The following ZFHX3 variants were observed in gnomAD, a reference collection of about 807,000 sequenced individuals.
ZFHX3 encodes the protein zinc finger homeobox 3, also known as zinc finger homeobox protein 3.
In ZFHX3, 42 loss-of-function variants were observed where a neutral mutation model predicts 279.1. The observed-to-expected ratio is 0.15, with a 90% CI of 0.12 to 0.19. ZFHX3 has a LOEUF of 0.19. ZFHX3 is among the 10% of genes least tolerant of loss of function. The pLI is 1.00. For synonymous variants in ZFHX3, 2,293 were observed against 1,957.8 expected, an observed-to-expected ratio of 1.17 and a Z score of -4.52; for missense variants, 4,981 against 4,754.0, an observed-to-expected ratio of 1.05 and a Z score of -1.40.
At chr16:73,389,595 G>T (rs1334052821) in intron 3 of ZFHX3, among the ~76,000 whole-genome samples, 1 of 152,188 alleles carries the variant, frequency 6.6e-6, no homozygotes, top group Non-Finnish European at 1.5e-5. Context: ...CTCTCTTGAT[G>T]GTTCCAGTAA....
At chr16:73,360,814 A>G (rs1033316978) in intron 3 of ZFHX3, among the ~76,000 whole-genome samples, 1 of 152,174 alleles carries the variant, frequency 6.6e-6, no homozygotes, top group Middle Eastern at 3.2e-3. Flanking sequence ...TGTCTCTTAC[A>G]TTAAGTCTTT....
chr16:73,271,313 C>A (rs577788719), intron 4 of ZFHX3, among the ~76,000 whole-genome samples: 3 of 152,312 alleles, frequency 2.0e-5, no homozygotes, highest in South Asian at 2.1e-4. Context: ...TGTTTTGAGA[C>A]CCTCCGATTT....
intron 4 of ZFHX3, among the ~76,000 whole-genome samples, chr16:72,864,466 C>T (rs536887391): frequency 2.4e-4 from 36 of 152,050 alleles, no homozygotes; most frequent in Non-Finnish European, 4.4e-4. Flanking sequence ...CTTGAGGGGG[C>T]GTTCATCCCC....
chr16:72,798,686 G>A lies in ZFHX3; in HGVS notation c.3996C>T (p.Ile1332=). 3 of 1,564,842 alleles carry A rather than the reference G, an allele frequency of 1.9e-6. No individual in the cohort carries two copies. Among genetic ancestry groups the A allele is most frequent in the Non-Finnish European group, 1.7e-6 (2 of 1,157,490 alleles). ...TTTGCTCTGTGCTTGCGGATGGCAA[G>A]ATGTTCTTTCCCAGATCCTCTGAGG... ...PETSEDLGKN[I]LPSASTEQSG... Residue 1332 remains isoleucine, a synonymous_variant, in exon 9 of 10, where the codon ATC becomes ATT. Coordinates refer to ENST00000268489, the MANE Select transcript of ZFHX3 (RefSeq NM_006885.4).
chr16:72,958,895 T>C lies in ZFHX3; in HGVS notation c.1251A>G (p.Ser417=). 2.5e-6 allele frequency: 4 copies of C among 1,609,430 alleles called. No homozygotes were observed. The highest frequency in any genetic ancestry group is 1.3e-5 in the African/African-American group (1 of 74,940). ...TGGAAGCCAGAGGCCCCAGGGGGAC[T>C]GAGGTAATGGGGGTCTTCAGTACCG... ...TSSVLKTPIT[S]VPLGPLASSP... Residue 417 remains serine, a synonymous_variant, in exon 2 of 10, where the codon TCA becomes TCG. Transcript: ENST00000268489.
intron 2 of ZFHX3, among the ~76,000 whole-genome samples, chr16:73,547,324 C>A (rs1374372848): frequency 1.3e-5 from 2 of 152,106 alleles, no homozygotes; most frequent in Admixed American, 6.5e-5. Flanking sequence ...AAGAAAAAAA[C>A]CTGTACTATC....
chr16:73,856,878 T>G (rs963202562), intron 1 of ZFHX3, among the ~76,000 whole-genome samples: 2 of 152,230 alleles, frequency 1.3e-5, no homozygotes, highest in Admixed American at 6.5e-5. Flanking sequence ...GAAAAAATGT[T>G]TCCATGCCCC....
intron 7 of ZFHX3, among the ~76,000 whole-genome samples, chr16:73,113,211 G>A (rs1966398142): frequency 6.6e-6 from 1 of 152,056 alleles, no homozygotes; most frequent in Non-Finnish European, 1.5e-5. Flanking sequence ...AGTGGGAGAT[G>A]GAACCAGGCG....
intron 8 of ZFHX3, among the ~76,000 whole-genome samples, chr16:73,089,466 G>GA (rs1474762110): frequency 6.6e-6 from 1 of 152,146 alleles, no homozygotes. Context: ...TTTTACCGAG[G>GA]AAAAATCAAA....
chr16:73,106,102 T>G (rs1306466348), intron 7 of ZFHX3, among the ~76,000 whole-genome samples: 3 of 152,130 alleles, frequency 2.0e-5, no homozygotes, highest in African/African-American at 7.2e-5. Context: ...GGGGCTTCTC[T>G]TGGTTCCCTG....
At chr16:72,799,461 T>C (rs1290664238) in intron 8 of ZFHX3, among the ~76,000 whole-genome samples, 1 of 152,162 alleles carries the variant, frequency 6.6e-6, no homozygotes, top group Non-Finnish European at 1.5e-5. Flanking sequence ...TCTTCCCAAC[T>C]TAGAACTCTT....
intron 4 of ZFHX3, among the ~76,000 whole-genome samples, chr16:73,265,495 A>G (rs2013950541): frequency 6.6e-6 from 1 of 152,132 alleles, no homozygotes; most frequent in African/African-American, 2.4e-5. Context: ...TTTTTTGTGA[A>G]TGCTAATTTT....
At chr16:73,494,667 C>T (rs1320697626) in intron 2 of ZFHX3, among the ~76,000 whole-genome samples, 1 of 152,036 alleles carries the variant, frequency 6.6e-6, no homozygotes, top group Non-Finnish European at 1.5e-5. Context: ...TCAAGCGATT[C>T]TCCTGCCTCA....
intron 1 of ZFHX3, among the ~76,000 whole-genome samples, chr16:73,837,824 CG>C (rs1961184539): frequency 6.6e-6 from 1 of 152,032 alleles, no homozygotes; most frequent in African/African-American, 2.4e-5. Flanking sequence ...TTAGTAGAAA[CG>C]GGGTTTCTCC....
At chr16:73,682,589 C>G (rs1179584113) in intron 1 of ZFHX3, among the ~76,000 whole-genome samples, 2 of 151,892 alleles carry the variant, frequency 1.3e-5, no homozygotes, top group Admixed American at 1.3e-4. Context: ...AGTTTGAGAC[C>G]AGCCTGGCCA....
At chr16:73,713,663 T>C (rs2053387145) in intron 1 of ZFHX3, among the ~76,000 whole-genome samples, 1 of 152,104 alleles carries the variant, frequency 6.6e-6, no homozygotes, top group East Asian at 1.9e-4. Flanking sequence ...TAAATTTGCT[T>C]TTTACATCTA....
At chr16:73,692,547 A>G (rs1377065171) in intron 1 of ZFHX3, among the ~76,000 whole-genome samples, 1 of 152,224 alleles carries the variant, frequency 6.6e-6, no homozygotes, top group Non-Finnish European at 1.5e-5. Context: ...ACAGTAACAA[A>G]GGTTGCCTCT....
intron 4 of ZFHX3, among the ~76,000 whole-genome samples, chr16:72,879,924 C>T (rs924779539): frequency 6.6e-6 from 1 of 152,204 alleles, no homozygotes; most frequent in Non-Finnish European, 1.5e-5. Context: ...TGTGTGAGAA[C>T]AGGCAAGGAA....
At chr16:73,481,155 C>T (rs976353734) in intron 2 of ZFHX3, among the ~76,000 whole-genome samples, 1 of 151,954 alleles carries the variant, frequency 6.6e-6, no homozygotes, top group Non-Finnish European at 1.5e-5. Context: ...ATGGAGAAAC[C>T]CTGACTCTAT....
Sources: allele counts gnomAD v4.1 joint callset (sites outside exome capture counted in the v4.1 genomes callset), GRCh38; gene constraint gnomAD v4.1.1; transcripts MANE v1.5; gene names NCBI Gene and HGNC (gene_info 2026-07-23, HGNC 2026-07-21).